Variants in RBM25 observed in about 807,000 individuals in gnomAD.
RBM25 encodes RNA binding motif protein 25, also known as RNA-binding protein 25.
Under a neutral mutation model 120.7 loss-of-function variants are expected in RBM25, and 19 were observed. The ratio of observed to expected loss-of-function variants is 0.16; its 90% CI spans 0.11 to 0.23. The LOEUF (loss-of-function observed/expected upper bound fraction) is 0.23, where lower values mean the gene tolerates loss of function less well. Among genes scored for constraint, RBM25 ranks in the 10% least tolerant of loss-of-function variants. RBM25 has a pLI of 1.00. For missense variants in RBM25, 605 were observed against 1,041.5 expected, an observed-to-expected ratio of 0.58 and a Z score of 5.77; for synonymous variants, 390 against 326.7, an observed-to-expected ratio of 1.19 and a Z score of -2.09.
In RBM25 at chr14:73,099,403, C is replaced by G. The variant is rs760410851; in HGVS notation, c.753C>G (p.Ala251=). 4 of 1,602,794 alleles carry G rather than the reference C, an allele frequency of 2.5e-6. No homozygotes were observed. Among genetic ancestry groups the G allele is most frequent in the Admixed American group, 3.6e-5 (2 of 55,822 alleles). Reference sequence around the variant, plus strand: ...AGATTTTCCGCAGATTTCCAGTGGCCCCACTGATCCCTTATCCACTCATCA... The same window carrying G: ...AGATTTTCCGCAGATTTCCAGTGGCGCCACTGATCCCTTATCCACTCATCA... ...KEDIFRRFPV[A]PLIPYPLITK... is the part of the protein sequence containing the mutation. Residue 251 remains alanine (A), a synonymous_variant, in exon 8 of 19, where the codon GCC becomes GCG. Coordinates refer to ENST00000261973, the MANE Select transcript of RBM25 (RefSeq NM_021239.3).
chr14:73,100,444 G>T (rs758422999), intron 9 of RBM25: 3 of 548,866 alleles, frequency 5.5e-6, no homozygotes, highest in Non-Finnish European at 9.9e-6. Flanking sequence ...GCTTGGAAAT[G>T]GGTATTTATG....
chr14:73,072,283 AT>A (rs1895312696), intron 2 of RBM25, among the ~76,000 whole-genome samples: 1 of 152,058 alleles, frequency 6.6e-6, no homozygotes, highest in South Asian at 2.1e-4. Flanking sequence ...AAAATTCTAT[AT>A]TTAAAAAAAA....
chr14:73,105,818 AAGT>A (rs1896173800), intron 10 of RBM25, 38 bp from the exon 11 acceptor site: 1 of 1,592,450 alleles, frequency 6.3e-7, no homozygotes, highest in African/African-American at 1.4e-5. Context: ...TGAAAACAGA[AAGT>A]AGACTGACAG....
rs140708657 is a variant in RBM25, at chr14:73,123,632, T to G, written c.*3827T>G. 6.6e-6 allele frequency: 1 copy of G among 152,284 alleles called. No homozygotes were observed. Among genetic ancestry groups the G allele is most frequent in the African/African-American group, 2.4e-5 (1 of 41,552 alleles). The allele number at this position is 152,284 out of a possible 1,614,324, so 9.4% of individuals were successfully genotyped here. A position where few individuals can be genotyped will look rare whatever the true frequency, so the allele number is the denominator to read the frequency against. Reference sequence around the variant, plus strand: ...AACCCAGGAGCTACTAATATAACAATCATACTATAGAGCGAAGTGAACTTA... The same window carrying G: ...AACCCAGGAGCTACTAATATAACAAGCATACTATAGAGCGAAGTGAACTTA... On this transcript the variant is annotated 3_prime_UTR_variant, in exon 19 of 19. Transcript: ENST00000261973.
chr14:73,063,611 A>T (rs962474361), intron 1 of RBM25, among the ~76,000 whole-genome samples: 1 of 151,432 alleles, frequency 6.6e-6, no homozygotes, highest in African/African-American at 2.4e-5. Context: ...AGCAAATCCT[A>T]TTGGCTGCCT....
chr14:73,077,225 T>C (rs991459111), intron 3 of RBM25, 144 bp from the exon 4 acceptor site: 9 of 594,950 alleles, frequency 1.5e-5, no homozygotes, highest in African/African-American at 3.9e-5. Flanking sequence ...CTATGCACTT[T>C]AGGAGCTTTA....
chr14:73,119,805 A>G lies in RBM25; in HGVS notation c.2532A>G (p.Ter844=). 6.2e-7 allele frequency: 1 copy of G among 1,601,806 alleles called. No homozygotes were observed. The highest frequency in any genetic ancestry group is 2.2e-5 in the East Asian group (1 of 44,546). Residue 844 remains the stop codon, a stop_retained_variant, in exon 19 of 19, where the codon TAA becomes TAG. Transcript: ENST00000261973. ...CCAAGAAAATTGGTCTTGTGAAGTA[A>G]AACTTTTTATATTTAGAGTTCCATT... ...TEAKKIGLVK[*] is the part of the protein sequence containing the mutation.
chr14:73,089,697 C>T (rs953325330), intron 6 of RBM25, among the ~76,000 whole-genome samples: 1 of 130,320 alleles, frequency 7.7e-6, no homozygotes, highest in Non-Finnish European at 1.6e-5. Flanking sequence ...AATGGAGTTT[C>T]CCTCTCTTGC....
In RBM25 at chr14:73,075,499, ATTC is replaced by A. The variant is rs1342265211; in HGVS notation, c.107-814_107-812del. Among the ~76,000 whole-genome samples the A allele has an allele frequency of 1.6e-4, 24 of 152,138 alleles. No homozygotes were observed. The East Asian group carries it at 3.9e-3, about 25-fold the overall frequency. On this transcript the variant is annotated intron_variant, in intron 2 of 18. Coordinates refer to ENST00000261973, the MANE Select transcript of RBM25 (RefSeq NM_021239.3). ...CTGCGAAAGAGCCAGGAATAACAAG[ATTC>A]TTCTTAGATTTACACATAAATTTCT...
intron 3 of RBM25, among the ~76,000 whole-genome samples, chr14:73,076,590 C>T (rs1895427920): frequency 6.6e-6 from 1 of 152,244 alleles, no homozygotes; most frequent in Non-Finnish European, 1.5e-5. Flanking sequence ...GTAGATAATT[C>T]TATGATTTTC....
rs1896564785 is a variant in RBM25 at position 73,123,132 on chromosome 14, T to A, written c.*3327T>A. On this transcript the variant is annotated 3_prime_UTR_variant, in exon 19 of 19. Transcript: ENST00000261973. ...TATTATGGCATTTCCCTGTAAACTA[T>A]GTAAGTGTAAGCTAATGATTATTTT... The A allele has an allele frequency of 6.6e-6, 1 of 152,044 alleles. No individual in the cohort carries two copies. The highest frequency in any genetic ancestry group is 1.5e-5 in the Non-Finnish European group (1 of 68,010). 9.4% of individuals were successfully genotyped at this position (152,044 alleles called of 1,614,324 possible).
At chr14:73,087,952 C>A (rs1160718918) in intron 5 of RBM25, 49 bp from the exon 6 acceptor site, 1 of 1,560,018 alleles carries the variant, frequency 6.4e-7, no homozygotes, top group Non-Finnish European at 8.7e-7. Context: ...AATTTTTTTT[C>A]TTTTGTAAGT....
At chr14:73,111,290 C>G in intron 15 of RBM25, 135 bp downstream of exon 15, 1 of 887,072 alleles carries the variant, frequency 1.1e-6, no homozygotes, top group African/African-American at 1.7e-5. Context: ...GCCTTTCTAG[C>G]TCACGATTGT....
At chr14:73,117,369 T>C (rs1434657606) in intron 18 of RBM25, among the ~76,000 whole-genome samples, 1 of 151,796 alleles carries the variant, frequency 6.6e-6, no homozygotes, top group Admixed American at 6.6e-5. Flanking sequence ...GTAGTTGGGA[T>C]TACAGGTGCC....
chr14:73,114,393 T>A lies in RBM25; in HGVS notation c.2439+60T>A, dbSNP rs1594937521. 2.2e-6 allele frequency: 3 copies of A among 1,341,144 alleles called. No individual in the cohort carries two copies. The East Asian group carries it at 7.3e-5, about 32-fold the overall frequency. The allele number at this position is 1,341,144 out of a possible 1,614,324, so 83.1% of individuals were successfully genotyped here. Reference sequence around the variant, plus strand: ...ATTTAAAAAAAGTTTTTGGTTTTTTTTGTCTTAAAATATAGATGGGGTCTC... The same window carrying A: ...ATTTAAAAAAAGTTTTTGGTTTTTTATGTCTTAAAATATAGATGGGGTCTC... On this transcript the variant is annotated intron_variant, in intron 18 of 18. Coordinates refer to ENST00000261973, the MANE Select transcript of RBM25 (RefSeq NM_021239.3).
Position 73,062,841 on chromosome 14 carries a change from T to G in RBM25, c.-16+4136T>G, listed in dbSNP as rs953090962. Among the ~76,000 whole-genome samples the G allele has an allele frequency of 5.3e-5, 8 of 151,188 alleles. 1 individual carries two copies. The highest frequency in any genetic ancestry group is 5.9e-5 in the Non-Finnish European group (4 of 67,454). On this transcript the variant is annotated intron_variant, in intron 1 of 18. Coordinates refer to ENST00000261973, the MANE Select transcript of RBM25 (RefSeq NM_021239.3). ...GGTTTCTGTTATTTTATTTAATTTT[T>G]GGGGGGCCTCACTCTGTCGCCCAGG... is the stretch of plus-strand genomic sequence containing the variant.
rs1268617049 is a variant in RBM25, at chr14:73,071,671, T to A, written c.30T>A (p.Pro10=). The A allele has an allele frequency of 1.2e-6, 2 of 1,613,844 alleles. No individual in the cohort carries two copies. The highest frequency in any genetic ancestry group is 1.7e-6 in the Non-Finnish European group (2 of 1,179,920). The change falls in exon 2 of 19, where the codon CCT becomes CCA. Residue 10 remains proline (P), a synonymous_variant. Coordinates refer to ENST00000261973, the MANE Select transcript of RBM25 (RefSeq NM_021239.3). ...CTTTTCCACCTCATTTGAATCGCCC[T>A]CCCATGGGAATCCCAGCACTCCCAC... The part of the protein sequence containing the change: MSFPPHLNR[P]PMGIPALPPG...
rs1436566043 is a variant in RBM25, at chr14:73,107,910, C to T, written c.1541+11C>T. On this transcript the variant is annotated intron_variant, in intron 13 of 18. Coordinates refer to ENST00000261973, the MANE Select transcript of RBM25 (RefSeq NM_021239.3). ...CCCCAAATATTACAGGTAAAGAAGGCTTGTTCTGTGGATTCATACTTGGTT... is the reference window on the plus strand; with the variant it reads ...CCCCAAATATTACAGGTAAAGAAGGTTTGTTCTGTGGATTCATACTTGGTT... 6.4e-7 allele frequency: 1 copy of T among 1,558,026 alleles called. No individual in the cohort carries two copies. Among genetic ancestry groups the T allele is most frequent in the South Asian group, 1.2e-5 (1 of 86,348 alleles).
chr14:73,070,514 A>C (rs554806555), intron 1 of RBM25, among the ~76,000 whole-genome samples: 1 of 152,102 alleles, frequency 6.6e-6, no homozygotes, highest in African/African-American at 2.4e-5. Flanking sequence ...AATGGTTACT[A>C]TCTGACTGGA....
Sources: allele counts gnomAD v4.1 joint callset (sites outside exome capture counted in the v4.1 genomes callset), GRCh38; gene constraint gnomAD v4.1.1; transcripts MANE v1.5; gene names NCBI Gene and HGNC (gene_info 2026-07-23, HGNC 2026-07-21).